The following SCD5 variants were observed in gnomAD, a reference collection of about 807,000 sequenced individuals.
SCD5 encodes the protein acyl-CoA-desaturase 4.
A neutral mutation model predicts 30.4 loss-of-function variants in SCD5; 20 were observed. The ratio of observed to expected loss-of-function variants is 0.66; its 90% CI spans 0.46 to 0.96. The LOEUF is 0.96. Ranked by LOEUF, SCD5 falls within the 40% of genes least tolerant of loss-of-function variation. SCD5 has a pLI of 0.00. For synonymous variants in SCD5, 173 were observed against 176.4 expected (o/e 0.98, Z 0.16); for missense variants, 381 against 443.3 (o/e 0.86, Z 1.26).
At chr4:82,663,470 G>T (rs566307157) in intron 3 of SCD5, among the ~76,000 whole-genome samples, 2 of 152,206 alleles carry the variant, frequency 1.3e-5, no homozygotes, top group African/African-American at 4.8e-5. Flanking sequence ...GAGCTGATCA[G>T]CTGCTACTGG....
rs188422139 is a variant in SCD5 at position 82,645,063 on chromosome 4, C to T, written c.570-8240G>A. ...CACCGGTGGCTCACACCTGTAATTC[C>T]GGCACTTTGGAAGGCCAAGGTGGAA... On this transcript the variant is annotated intron_variant, in intron 3 of 4. Transcript: ENST00000319540. Among the ~76,000 whole-genome samples, 5 of 152,244 alleles carry T rather than the reference C, an allele frequency of 3.3e-5. No individual in the cohort carries two copies. The East Asian group carries it at 7.7e-4, about 24-fold the overall frequency.
chr4:82,674,348 C>T (rs933224150), intron 3 of SCD5, among the ~76,000 whole-genome samples: 1 of 152,112 alleles, frequency 6.6e-6, no homozygotes, highest in Non-Finnish European at 1.5e-5. Context: ...TGACAAACAT[C>T]TTACTAAAGA....
At chr4:82,790,596 G>C (rs371524752) in intron 1 of SCD5, among the ~76,000 whole-genome samples, 1 of 152,072 alleles carries the variant, frequency 6.6e-6, no homozygotes, top group African/African-American at 2.4e-5. Flanking sequence ...ACTGATTCTC[G>C]GTCCCATGGC....
At chr4:82,784,035 T>C (rs534284914) in intron 1 of SCD5, among the ~76,000 whole-genome samples, 8 of 152,246 alleles carry the variant, frequency 5.3e-5, no homozygotes, top group African/African-American at 1.9e-4. Flanking sequence ...CGTATATACA[T>C]ACACAGAGGA....
At chr4:82,750,131 G>A (rs1721069793) in intron 1 of SCD5, among the ~76,000 whole-genome samples, 5 of 152,344 alleles carry the variant, frequency 3.3e-5, no homozygotes, top group Admixed American at 2.6e-4. Flanking sequence ...ACAACTCAAT[G>A]GATCGCACAC....
chr4:82,697,945 A>G (rs1719731133), intron 2 of SCD5: 1 of 453,916 alleles, frequency 2.2e-6, no homozygotes, highest in African/African-American at 2.0e-5. Flanking sequence ...CATGACTTCC[A>G]AATGTTCCAA....
chr4:82,679,282 AG>A (rs1728515179), intron 3 of SCD5, among the ~76,000 whole-genome samples: 1 of 112,636 alleles, frequency 8.9e-6, no homozygotes, highest in African/African-American at 3.2e-5. Flanking sequence ...GAAAGAAAGA[AG>A]GAAGGAAAGA....
chr4:82,700,234 A>T (rs1384076016), intron 2 of SCD5, among the ~76,000 whole-genome samples: 2 of 152,018 alleles, frequency 1.3e-5, no homozygotes, highest in East Asian at 3.9e-4. Context: ...ATAAAAAAGA[A>T]AAAGAAAATA....
chr4:82,780,024 TAA>T (rs1721835014), intron 1 of SCD5, among the ~76,000 whole-genome samples: 1 of 152,238 alleles, frequency 6.6e-6, no homozygotes, highest in African/African-American at 2.4e-5. Flanking sequence ...TGTGGCCCTA[TAA>T]TTACTTCATA....
At chr4:82,766,851 T>A (rs774693938) in intron 1 of SCD5, among the ~76,000 whole-genome samples, 1 of 152,194 alleles carries the variant, frequency 6.6e-6, no homozygotes, top group East Asian at 1.9e-4. Context: ...CTAATTTTTG[T>A]ATTTTTAGTA....
intron 1 of SCD5, among the ~76,000 whole-genome samples, chr4:82,727,031 G>A (rs961483384): frequency 6.6e-6 from 1 of 152,132 alleles, no homozygotes; most frequent in African/African-American, 2.4e-5. Context: ...AAATAATCAT[G>A]ACAGGATAAT....
At chr4:82,785,347 C>A (rs1721963530) in intron 1 of SCD5, among the ~76,000 whole-genome samples, 1 of 152,190 alleles carries the variant, frequency 6.6e-6, no homozygotes, top group Non-Finnish European at 1.5e-5. Context: ...GATGACCATG[C>A]AAGACAAAGT....
At chr4:82,722,484 C>G (rs936639956) in intron 1 of SCD5, among the ~76,000 whole-genome samples, 2 of 152,212 alleles carry the variant, frequency 1.3e-5, no homozygotes, top group African/African-American at 4.8e-5. Flanking sequence ...GTATTCCCAG[C>G]TGGGCATGGT....
chr4:82,743,276 G>A (rs1230165241), intron 1 of SCD5, among the ~76,000 whole-genome samples: 3 of 152,094 alleles, frequency 2.0e-5, no homozygotes, highest in Admixed American at 1.3e-4. Flanking sequence ...TTGGGAGGCC[G>A]AGGTGGGAGG....
intron 1 of SCD5, among the ~76,000 whole-genome samples, chr4:82,722,878 G>A (rs1054851741): frequency 1.3e-5 from 2 of 151,844 alleles, no homozygotes; most frequent in Non-Finnish European, 1.5e-5. Flanking sequence ...GACCAGCTTC[G>A]CCAACGTAGT....
rs1560531618 is a variant in SCD5 at position 82,679,230 on chromosome 4, A to AAGAAAGAG, written c.569+1476_569+1477insCTCTTTCT. ...AAAAAAAAAAGAAAGAAAAGAAAGA[A>AAGAAAGAG]AGAAAGAAAGAAAGAAAGAAAGAAA... On this transcript the variant is annotated intron_variant, in intron 3 of 4. Coordinates refer to ENST00000319540, the MANE Select transcript of SCD5 (RefSeq NM_001037582.3). 8.7e-3 allele frequency among the ~76,000 whole-genome samples: 296 copies of AAGAAAGAG among 33,942 alleles called. 8 individuals carry two copies. The highest frequency in any genetic ancestry group is 0.022 in the African/African-American group (209 of 9,540). The allele number at this position is 33,942 out of a possible 152,430, so 22.3% of individuals were successfully genotyped here. A position where few individuals can be genotyped will look rare whatever the true frequency, so the allele number is the denominator to read the frequency against.
chr4:82,731,986 A>G (rs1720653633), intron 1 of SCD5, among the ~76,000 whole-genome samples: 1 of 152,150 alleles, frequency 6.6e-6, no homozygotes, highest in African/African-American at 2.4e-5. Flanking sequence ...CCAACCATGA[A>G]TGTGACAATT....
chr4:82,707,780 C>T (rs1719999047), intron 1 of SCD5, among the ~76,000 whole-genome samples: 1 of 152,212 alleles, frequency 6.6e-6, no homozygotes, highest in Non-Finnish European at 1.5e-5. Flanking sequence ...GATCCTTCCT[C>T]AGTTGAGCCT....
intron 3 of SCD5, among the ~76,000 whole-genome samples, chr4:82,647,244 T>G (rs1299015817): frequency 6.6e-6 from 1 of 152,202 alleles, no homozygotes; most frequent in East Asian, 1.9e-4. Context: ...TGTGTTCCCC[T>G]GATTGTTTTA....
Sources: gnomAD v4.1 joint callset for allele counts (sites outside exome capture counted in the v4.1 genomes callset) on GRCh38, gnomAD v4.1.1 for gene constraint, MANE v1.5 for transcripts, NCBI Gene and HGNC (gene_info 2026-07-23, HGNC 2026-07-21) for gene names.